GLRA3: variants seen among roughly 807,000 people sequenced by gnomAD.
GLRA3 encodes the protein glycine receptor subunit alpha-3.
Under a neutral mutation model 60.4 loss-of-function variants are expected in GLRA3, and 44 were observed. The observed-to-expected ratio is 0.73, with a 90% CI of 0.57 to 0.94. The LOEUF (loss-of-function observed/expected upper bound fraction) is 0.94. Ranked by LOEUF, GLRA3 falls within the 40% of genes least tolerant of loss-of-function variation. The pLI is 0.00. For missense variants in GLRA3, 508 were observed against 564.6 expected (o/e 0.90, Z 1.02); for synonymous variants, 223 against 192.9 (o/e 1.16, Z -1.29).
chr4:174,653,335 A>T (rs1733086115), intron 9 of GLRA3, among the ~76,000 whole-genome samples: 1 of 151,996 alleles, frequency 6.6e-6, no homozygotes, highest in South Asian at 2.1e-4. Flanking sequence ...ATTCAGTTTC[A>T]TATATCTACA....
chr4:174,733,135 C>G (rs543240607), intron 3 of GLRA3, among the ~76,000 whole-genome samples: 2 of 152,054 alleles, frequency 1.3e-5, no homozygotes, highest in Non-Finnish European at 2.9e-5. Context: ...TGATGTGAAA[C>G]TGACTGGGTC....
intron 3 of GLRA3, among the ~76,000 whole-genome samples, chr4:174,745,785 A>T (rs1737221080): frequency 6.9e-6 from 1 of 144,904 alleles, no homozygotes; most frequent in East Asian, 1.9e-4. Context: ...TGAACAACTC[A>T]ATAGGAAAAA....
intron 1 of GLRA3, among the ~76,000 whole-genome samples, chr4:174,798,098 A>G (rs1343456677): frequency 1.3e-5 from 2 of 152,208 alleles, no homozygotes; most frequent in Non-Finnish European, 1.5e-5. Flanking sequence ...GGTGAGAAAC[A>G]TAACGTGGGT....
rs76968427 is a variant in GLRA3 at position 174,771,696 on chromosome 4, G to A, written c.200-4666C>T. 3.0e-3 allele frequency among the ~76,000 whole-genome samples: 453 copies of A among 152,098 alleles called. 3 individuals carry two copies. Among genetic ancestry groups the A allele is most frequent in the African/African-American group, 0.01 (424 of 41,500 alleles). On this transcript the variant is annotated intron_variant, in intron 2 of 9. Coordinates refer to ENST00000274093, the MANE Select transcript of GLRA3 (RefSeq NM_006529.4). ...TGATTGGGATCTTTTTGGCTGAAAC[G>A]GAAATAAATAAAAGAGTGGGGAGAT...
intron 7 of GLRA3, among the ~76,000 whole-genome samples, chr4:174,664,499 C>T (rs1024949686): frequency 6.6e-6 from 1 of 152,130 alleles, no homozygotes; most frequent in African/African-American, 2.4e-5. Flanking sequence ...CAGTTGTTCA[C>T]CCCCAAATCT....
chr4:174,679,682 T>C (rs1734267716), intron 6 of GLRA3, among the ~76,000 whole-genome samples: 1 of 152,182 alleles, frequency 6.6e-6, no homozygotes. Context: ...ATATACACAA[T>C]GGAATATTAT....
intron 9 of GLRA3, among the ~76,000 whole-genome samples, chr4:174,655,576 T>A (rs1419812826): frequency 6.6e-6 from 1 of 152,128 alleles, no homozygotes; most frequent in Non-Finnish European, 1.5e-5. Flanking sequence ...TATGTTGGTC[T>A]CCCAGAGAAA....
At chr4:174,715,718 T>C in intron 4 of GLRA3, 148 bp from the exon 5 acceptor site, 1 of 509,572 alleles carries the variant, frequency 2.0e-6, no homozygotes, top group Non-Finnish European at 3.6e-6. Context: ...TACTATAAAA[T>C]AGCTATGCCC....
chr4:174,750,372 T>C (rs2111193582), intron 3 of GLRA3, among the ~76,000 whole-genome samples: 1 of 152,212 alleles, frequency 6.6e-6, no homozygotes, highest in Non-Finnish European at 1.5e-5. Context: ...TGAATGATGT[T>C]TATATATTAC....
intron 8 of GLRA3, 31 bp from the exon 9 acceptor site, chr4:174,656,818 T>C: frequency 3.7e-6 from 5 of 1,347,886 alleles, no homozygotes; most frequent in Non-Finnish European, 5.3e-6. Context: ...CCAAGAGGAA[T>C]TGAGAAACCA....
At chr4:174,730,007 CCT>C (rs1413127170) in intron 3 of GLRA3, among the ~76,000 whole-genome samples, 1 of 152,032 alleles carries the variant, frequency 6.6e-6, no homozygotes, top group Non-Finnish European at 1.5e-5. Flanking sequence ...ATATTTGTGC[CCT>C]GAGACTATAT....
In GLRA3 at chr4:174,656,654, C is replaced by A. The variant is rs1310928033; in HGVS notation, c.1116+89G>T. On this transcript the variant is annotated intron_variant, in intron 9 of 9. Transcript: ENST00000274093. ...ATACAAAAGGGGCTGTGTTTCCCCA[C>A]CAAACACTGCCTTGGTAGTGCAGAA... 8.7e-6 allele frequency: 6 copies of A among 691,282 alleles called. No homozygotes were observed. In the Admixed American group the frequency reaches 1.2e-4, roughly 14 times the overall value. 42.8% of individuals were successfully genotyped at this position (691,282 alleles called of 1,614,324 possible).
At chr4:174,762,849 TG>T (rs1203161329) in intron 3 of GLRA3, among the ~76,000 whole-genome samples, 1 of 152,180 alleles carries the variant, frequency 6.6e-6, no homozygotes, top group African/African-American at 2.4e-5. Flanking sequence ...AGAACAATTT[TG>T]GTACCCAGAA....
chr4:174,728,550 G>A lies in GLRA3; in HGVS notation c.416C>T (p.Ala139Val). Residue 139 changes from alanine to valine, a missense_variant, in exon 4 of 10, where the codon GCC (alanine) becomes GTC (valine). Physicochemically the swap from Ala to Val is moderately conservative, Grantham distance 64. Transcript: ENST00000274093. Reference sequence around the variant, plus strand: ...GTCTGTAGTGACTTCATGAAAGTTGGCACCCTTTTCATTGGCAAAGAACAA... The same window carrying A: ...GTCTGTAGTGACTTCATGAAAGTTGACACCCTTTTCATTGGCAAAGAACAA... ...PDLFFANEKGANFHEVTTDNK... is the reference protein window; with the variant it reads ...PDLFFANEKGVNFHEVTTDNK... The A allele has an allele frequency of 1.2e-6, 2 of 1,613,142 alleles. No individual in the cohort carries two copies. The highest frequency in any genetic ancestry group is 1.1e-5 in the South Asian group (1 of 91,038).
At chr4:174,796,561 G>A (rs1370364075) in intron 1 of GLRA3, among the ~76,000 whole-genome samples, 4 of 149,684 alleles carry the variant, frequency 2.7e-5, no homozygotes, top group African/African-American at 7.4e-5. Context: ...TTTTTTAGAC[G>A]GAGTCTCGCT....
intron 3 of GLRA3, among the ~76,000 whole-genome samples, chr4:174,757,421 G>A (rs1737763720): frequency 6.6e-6 from 1 of 152,068 alleles, no homozygotes; most frequent in African/African-American, 2.4e-5. Flanking sequence ...AATTCTTGCA[G>A]AAATGACTGA....
In GLRA3 at chr4:174,733,550, A is replaced by G. The variant is rs1331094114; in HGVS notation, c.268-4852T>C. On this transcript the variant is annotated intron_variant, in intron 3 of 9. Coordinates refer to ENST00000274093, the MANE Select transcript of GLRA3 (RefSeq NM_006529.4). ...CTCTATCAGCCAGTGCACCCAGAAG[A>G]CAGTGTTCCTGTGCCTTAGTCATCT... Among the ~76,000 whole-genome samples, 7 of 152,176 alleles carry G rather than the reference A, an allele frequency of 4.6e-5. No homozygotes were observed. The East Asian group carries it at 1.2e-3, about 25-fold the overall frequency.
intron 6 of GLRA3, among the ~76,000 whole-genome samples, chr4:174,680,467 A>G (rs1407577751): frequency 3.3e-5 from 5 of 152,224 alleles, no homozygotes; most frequent in Non-Finnish European, 7.3e-5. Context: ...ATTGTTACAT[A>G]TGGATGTTTC....
chr4:174,776,486 G>T (rs1738605056), intron 2 of GLRA3, among the ~76,000 whole-genome samples: 1 of 151,194 alleles, frequency 6.6e-6, no homozygotes, highest in Non-Finnish European at 1.5e-5. Context: ...CAAATCATTG[G>T]GCAGAGAAGA....
Sources: allele counts gnomAD v4.1 joint callset (sites outside exome capture counted in the v4.1 genomes callset), GRCh38; gene constraint gnomAD v4.1.1; transcripts MANE v1.5; gene names NCBI Gene and HGNC (gene_info 2026-07-23, HGNC 2026-07-21).